IFI27: variants seen among roughly 807,000 people sequenced by gnomAD.
IFI27 encodes the protein interferon alpha-inducible protein 27, mitochondrial.
Under a neutral mutation model 8.9 loss-of-function variants are expected in IFI27, and 3 were observed. That is an observed-to-expected ratio of 0.34 (90% CI 0.15 to 0.87). The LOEUF (loss-of-function observed/expected upper bound fraction) is 0.87, where lower values mean the gene tolerates loss of function less well. Ranked by LOEUF, IFI27 falls within the 40% of genes least tolerant of loss-of-function variation. The pLI is 0.51. For synonymous variants in IFI27, 66 were observed against 67.3 expected (o/e 0.98, Z 0.09); for missense variants, 152 against 157.7 (o/e 0.96, Z 0.19).
chr14:94,114,805 G>A, intron 2 of IFI27, 46 bp from the exon 3 acceptor site: 1 of 1,610,344 alleles, frequency 6.2e-7, no homozygotes, highest in East Asian at 2.2e-5. Flanking sequence ...AAAGTGGAGG[G>A]GAAGCCAGTG....
In IFI27 at chr14:94,111,534, G is replaced by T. The variant is rs1334816235; in HGVS notation, c.-58-91G>T. On this transcript the variant is annotated intron_variant, in intron 1 of 4. Transcript: ENST00000621160. The surrounding 1 kb of genome is among the most constrained non-coding windows in gnomAD (Gnocchi z 4.3). Reference sequence around the variant, plus strand: ...CCACAAGCTCAGAGCAGCCTCCCTAGCCCCCTGGAGCCCGTCACATTTTTC... The same window carrying T: ...CCACAAGCTCAGAGCAGCCTCCCTATCCCCCTGGAGCCCGTCACATTTTTC... The T allele has an allele frequency of 1.5e-6, 1 of 664,528 alleles. No individual in the cohort carries two copies. Among genetic ancestry groups the T allele is most frequent in the Non-Finnish European group, 2.7e-6 (1 of 364,492 alleles). 41.2% of individuals were successfully genotyped at this position (664,528 alleles called of 1,614,324 possible). A position where few individuals can be genotyped will look rare whatever the true frequency, so the allele number is the denominator to read the frequency against.
In IFI27 at chr14:94,114,758, A is replaced by T; in HGVS notation, c.92-93A>T. 2.2e-6 allele frequency: 3 copies of T among 1,380,078 alleles called. No individual in the cohort carries two copies. In the South Asian group the frequency reaches 3.5e-5, roughly 16 times the overall value. 85.5% of individuals were successfully genotyped at this position (1,380,078 alleles called of 1,614,324 possible). ...CTTCTTGTGGCTCCCAACCTGGGGC[A>T]GCCCCCTGCCTCCCTTTAGATGGGC... On this transcript the variant is annotated intron_variant, in intron 2 of 4. Coordinates refer to ENST00000621160, the Ensembl canonical transcript of IFI27.
intron 3 of IFI27, 116 bp from the exon 4 acceptor site, chr14:94,115,665 C>A: frequency 5.4e-6 from 6 of 1,103,668 alleles, no homozygotes; most frequent in Non-Finnish European, 7.7e-6. Context: ...ATAGTCTCTC[C>A]CAAGCTCAAA....
chr14:94,115,533 G>A (rs557928452), intron 3 of IFI27: 2 of 608,568 alleles, frequency 3.3e-6, no homozygotes, highest in Non-Finnish European at 2.9e-6. Context: ...CTTTCCCAAG[G>A]AAGGTCCTGC....
chr14:94,106,969 C>T (rs544016792), upstream of IFI27, among the ~76,000 whole-genome samples: 8 of 152,086 alleles, frequency 5.3e-5, no homozygotes, highest in African/African-American at 1.7e-4. Context: ...CATTTTAGCA[C>T]GAGATTTGGA....
At chr14:94,112,071 GCT>G in intron 2 of IFI27, 1 of 501,834 alleles carries the variant, frequency 2.0e-6, no homozygotes, top group Non-Finnish European at 3.6e-6. Context: ...ACTCTCTTCA[GCT>G]CTCCCTTCCC....
exon 4 of IFI27, chr14:94,115,855 A>G (rs746774611): frequency 8.1e-6 from 13 of 1,603,192 alleles, no homozygotes; most frequent in African/African-American, 1.3e-5. Flanking sequence ...CTCGTCCTCC[A>G]TAGCAGCCAA....
upstream of IFI27, among the ~76,000 whole-genome samples, chr14:94,108,260 C>A (rs1255926978): frequency 6.6e-6 from 1 of 152,112 alleles, no homozygotes; most frequent in Non-Finnish European, 1.5e-5. Flanking sequence ...TGGGTTGGTT[C>A]CAAGTCTTTG....
upstream of IFI27, among the ~76,000 whole-genome samples, chr14:94,109,489 G>A (rs1023658336): frequency 1.4e-4 from 21 of 152,138 alleles, no homozygotes; most frequent in African/African-American, 4.1e-4. Context: ...AGTTCTGACC[G>A]CCAAGTGTCA....
chr14:94,109,766 T>C (rs1211843212), upstream of IFI27, among the ~76,000 whole-genome samples: 6 of 152,104 alleles, frequency 3.9e-5, no homozygotes, highest in African/African-American at 1.4e-4. Context: ...TCTGCTGAGG[T>C]TTTACCCAAG....
chr14:94,110,546 CTG>C (rs1887138679), upstream of IFI27: 1 of 152,216 alleles, frequency 6.6e-6, no homozygotes, highest in African/African-American at 2.4e-5. Flanking sequence ...CTGACAATGA[CTG>C]ATGCCATGGG....
intron 3 of IFI27, chr14:94,115,540 C>G (rs928584186): frequency 1.5e-5 from 9 of 609,256 alleles, no homozygotes; most frequent in Non-Finnish European, 2.3e-5. Context: ...AAGGAAGGTC[C>G]TGCTGCCCAG....
chr14:94,110,075 C>T (rs1003772688), upstream of IFI27, among the ~76,000 whole-genome samples: 1 of 152,214 alleles, frequency 6.6e-6, no homozygotes, highest in Admixed American at 6.5e-5. Context: ...CTGCTGAGGC[C>T]ACACTGGCCC....
At chr14:94,115,348 C>T (rs1047460369) in intron 3 of IFI27, 21 of 519,034 alleles carry the variant, frequency 4.0e-5, no homozygotes, top group Admixed American at 2.0e-4. Flanking sequence ...GGCAACACCA[C>T]GGAGCCCTAG....
At chr14:94,109,072 T>A (rs958020039), upstream of IFI27, among the ~76,000 whole-genome samples, 4 of 151,922 alleles carry the variant, frequency 2.6e-5, no homozygotes, top group Non-Finnish European at 5.9e-5. Context: ...GGCAGGAGGA[T>A]CACCTGACAT....
Position 94,115,738 on chromosome 14 carries a change from C to T in IFI27, c.122-43C>T, listed in dbSNP as rs766029959. Reference sequence around the variant, plus strand: ...CCTGACTCAGTGTATCTGGGGGGGTCCCTTCTGAGCCCACGCACCGACCCA... The same window carrying T: ...CCTGACTCAGTGTATCTGGGGGGGTTCCTTCTGAGCCCACGCACCGACCCA... On this transcript the variant is annotated intron_variant, in intron 3 of 4. Coordinates refer to ENST00000621160, the Ensembl canonical transcript of IFI27. 5.1e-6 allele frequency: 8 copies of T among 1,575,456 alleles called. No individual in the cohort carries two copies. In the Admixed American group the frequency reaches 1.3e-4, roughly 25 times the overall value.
At chr14:94,109,973 A>C (rs539342659), upstream of IFI27, among the ~76,000 whole-genome samples, 119 of 152,330 alleles carry the variant, frequency 7.8e-4, no homozygotes, top group African/African-American at 2.7e-3. Context: ...TTCAGGACAC[A>C]AGATCAAGTC....
upstream of IFI27, among the ~76,000 whole-genome samples, chr14:94,108,473 T>TA (rs923234619): frequency 1.3e-5 from 2 of 152,196 alleles, no homozygotes; most frequent in Non-Finnish European, 2.9e-5. Flanking sequence ...GCCTCAGCAT[T>TA]AGGGTGACCC....
chr14:94,111,643 A>G lies in IFI27; in HGVS notation c.-40A>G. 6.5e-7 allele frequency: 1 copy of G among 1,544,990 alleles called. No individual in the cohort carries two copies. Among genetic ancestry groups the G allele is most frequent in the South Asian group, 1.1e-5 (1 of 89,634 alleles). ...TCGGCAGGTCTGGCTGAAGTTGAGG[A>G]TCTCTTACTCTCTAGGCCACGGAAT... On this transcript the variant is annotated 5_prime_UTR_variant, in exon 2 of 5. Transcript: ENST00000621160. The surrounding 1 kb of genome is among the most constrained non-coding windows in gnomAD (Gnocchi z 4.3).
Sources: gnomAD v4.1 joint callset for allele counts (sites outside exome capture counted in the v4.1 genomes callset) on GRCh38, gnomAD v4.1.1 for gene constraint, Gnocchi (gnomAD v3.1) non-coding constraint, MANE v1.5 for transcripts, NCBI Gene and HGNC (gene_info 2026-07-23, HGNC 2026-07-21) for gene names.